CTNNA1: variants seen among roughly 807,000 people sequenced by gnomAD.
The protein encoded by CTNNA1 is catenin alpha 1.
A neutral mutation model predicts 98.4 loss-of-function variants in CTNNA1; 37 were observed. That is an observed-to-expected ratio of 0.38 (90% CI 0.29 to 0.49). CTNNA1 has a LOEUF of 0.49. Among genes scored for constraint, CTNNA1 ranks in the 20% least tolerant of loss-of-function variants. The pLI, the probability that CTNNA1 is intolerant of heterozygous loss-of-function variation, is 0.95. For synonymous variants in CTNNA1, 404 were observed against 413.2 expected (o/e 0.98, Z 0.27); for missense variants, 761 against 1,147.2 (o/e 0.66, Z 4.86).
At chr5:138,866,847 A>G in intron 7 of CTNNA1, among the ~76,000 whole-genome samples, 1 of 152,174 alleles carries the variant, frequency 6.6e-6, no homozygotes, top group East Asian at 1.9e-4. Context: ...TTTTTGCAGT[A>G]GCTATGACTT....
chr5:138,906,256 G>T (rs534131652), intron 10 of CTNNA1, among the ~76,000 whole-genome samples: 1 of 152,120 alleles, frequency 6.6e-6, no homozygotes, highest in Non-Finnish European at 1.5e-5. Context: ...TGTTAGTCCA[G>T]TCCTGAAATC....
At chr5:138,886,981 C>G (rs1252463049) in intron 8 of CTNNA1, among the ~76,000 whole-genome samples, 2 of 152,032 alleles carry the variant, frequency 1.3e-5, no homozygotes, top group African/African-American at 2.4e-5. Flanking sequence ...TAAAATATAT[C>G]TTTATTCAAT....
chr5:138,813,891 T>A (rs1283717726), intron 5 of CTNNA1, among the ~76,000 whole-genome samples: 1 of 152,214 alleles, frequency 6.6e-6, no homozygotes, highest in Non-Finnish European at 1.5e-5. Context: ...GTACTGGGAT[T>A]ACAGGCATGA....
At chr5:138,884,670 G>A (rs191027494) in intron 7 of CTNNA1, among the ~76,000 whole-genome samples, 26 of 152,264 alleles carry the variant, frequency 1.7e-4, no homozygotes, top group African/African-American at 5.5e-4. Context: ...TTTAATGTTA[G>A]TGCTGGACAG....
At chr5:138,926,631 A>G (rs1764108335) in intron 13 of CTNNA1, among the ~76,000 whole-genome samples, 1 of 151,964 alleles carries the variant, frequency 6.6e-6, no homozygotes, top group Non-Finnish European at 1.5e-5. Flanking sequence ...GGCCAAGGCC[A>G]TCCCTTGCAC....
At chr5:138,880,996 T>C (rs1266940643) in intron 7 of CTNNA1, 1 of 449,220 alleles carries the variant, frequency 2.2e-6, no homozygotes, top group Non-Finnish European at 4.5e-6. Flanking sequence ...CATAAAAATT[T>C]GGCCCAAAGA....
rs547220871 is a variant in CTNNA1 at position 138,829,620 on chromosome 5, A to G, written c.1062+1902A>G. On this transcript the variant is annotated intron_variant, in intron 7 of 17. Coordinates refer to ENST00000302763, the MANE Select transcript of CTNNA1 (RefSeq NM_001903.5). Reference sequence around the variant, plus strand: ...GAGTGCCATACAAACAGTACTGTCTATTCATGCCATCAGTGTAAGAAAAGG... The same window carrying G: ...GAGTGCCATACAAACAGTACTGTCTGTTCATGCCATCAGTGTAAGAAAAGG... Among the ~76,000 whole-genome samples, 260 of 152,330 alleles carry G rather than the reference A, an allele frequency of 1.7e-3. 1 individual carries two copies. Among genetic ancestry groups the G allele is most frequent in the Non-Finnish European group, 2.9e-3 (194 of 68,032 alleles).
chr5:138,754,947 G>T (rs1751464241), intron 1 of CTNNA1: 1 of 152,156 alleles, frequency 6.6e-6, no homozygotes, highest in East Asian at 1.9e-4. Context: ...TGGTAGAGAT[G>T]GTGTCTCGCT....
chr5:138,889,530 T>C (rs1754877956), intron 9 of CTNNA1, among the ~76,000 whole-genome samples: 1 of 152,108 alleles, frequency 6.6e-6, no homozygotes, highest in Non-Finnish European at 1.5e-5. Flanking sequence ...AAGCATTGAG[T>C]GGGCGAGGAA....
chr5:138,929,184 G>C (rs1481116407), intron 13 of CTNNA1, 62 bp from the exon 14 acceptor site: 4 of 890,188 alleles, frequency 4.5e-6, no homozygotes, highest in Non-Finnish European at 7.7e-6. Flanking sequence ...AAGAGGCTCA[G>C]GGTGGCTGGG....
In CTNNA1 at chr5:138,873,037, C is replaced by G. The variant is rs1406949123; in HGVS notation, c.1063-13175C>G. 1 of 1,607,660 alleles carries G rather than the reference C, an allele frequency of 6.2e-7. No homozygotes were observed. The highest frequency in any genetic ancestry group is 8.5e-7 in the Non-Finnish European group (1 of 1,176,856). On this transcript the variant is annotated intron_variant, in intron 7 of 17. Coordinates refer to ENST00000302763, the MANE Select transcript of CTNNA1 (RefSeq NM_001903.5). The surrounding 1 kb of genome is among the most constrained non-coding windows in gnomAD (Gnocchi z 6.1). ...ATACTTCACATTCTTTGTATGGCAG[C>G]TGCTGACACTTGCACTGTCCATAAC...
chr5:138,929,928 C>G (rs1421459856), intron 14 of CTNNA1, among the ~76,000 whole-genome samples: 1 of 152,146 alleles, frequency 6.6e-6, no homozygotes, highest in Non-Finnish European at 1.5e-5. Context: ...GTCATGAGCA[C>G]TTAGGGAAGC....
chr5:138,833,260 C>A (rs546849413), intron 7 of CTNNA1, among the ~76,000 whole-genome samples: 4 of 152,158 alleles, frequency 2.6e-5, no homozygotes, highest in Non-Finnish European at 5.9e-5. Context: ...GACTGACTGG[C>A]GTTAGGGCTT....
intron 1 of CTNNA1, among the ~76,000 whole-genome samples, chr5:138,767,049 T>TTTC (rs1220975271): frequency 1.6e-4 from 18 of 111,238 alleles, no homozygotes; most frequent in East Asian, 9.6e-4. Context: ...TTCTTTCTTT[T>TTTC]TTTTGAGACA....
chr5:138,787,792 A>G (rs1309631710), intron 3 of CTNNA1, among the ~76,000 whole-genome samples: 1 of 152,254 alleles, frequency 6.6e-6, no homozygotes, highest in Non-Finnish European at 1.5e-5. Context: ...CCCTGATTAC[A>G]TAAATAATGA....
At chr5:138,754,146 C>A (rs1164918148) in intron 1 of CTNNA1, 1 of 151,812 alleles carries the variant, frequency 6.6e-6, no homozygotes, top group Non-Finnish European at 1.5e-5. Flanking sequence ...CACTTGGACT[C>A]GGGGATTACT....
intron 7 of CTNNA1, chr5:138,875,696 T>C (rs1751335258): frequency 1.4e-5 from 14 of 985,484 alleles, no homozygotes; most frequent in Non-Finnish European, 1.7e-5. Context: ...GGCAGAAGCC[T>C]GCACAATTTA....
intron 7 of CTNNA1, among the ~76,000 whole-genome samples, chr5:138,829,821 G>A (rs1021113753): frequency 1.3e-5 from 2 of 152,160 alleles, no homozygotes; most frequent in Non-Finnish European, 2.9e-5. Flanking sequence ...GGAGGCCAAG[G>A]CAGACGGATC....
At chr5:138,799,053 T>G (rs963069407) in intron 3 of CTNNA1, among the ~76,000 whole-genome samples, 1 of 152,174 alleles carries the variant, frequency 6.6e-6, no homozygotes, top group Non-Finnish European at 1.5e-5. Context: ...TGTGCCTGGC[T>G]AATTTTTGTA....
Sources: allele counts gnomAD v4.1 joint callset (sites outside exome capture counted in the v4.1 genomes callset), GRCh38; gene constraint gnomAD v4.1.1; non-coding constraint Gnocchi (gnomAD v3.1); transcripts MANE v1.5; gene names NCBI Gene and HGNC (gene_info 2026-07-23, HGNC 2026-07-21).